The following NRK variants were observed in gnomAD, a reference collection of about 807,000 sequenced individuals.
NRK encodes Nik related kinase.
In NRK, 67 loss-of-function variants were observed where a neutral mutation model predicts 125.2. That is an observed-to-expected ratio of 0.54 (90% CI 0.44 to 0.66). The LOEUF (loss-of-function observed/expected upper bound fraction) is 0.66, where lower values mean the gene tolerates loss of function less well. Among genes scored for constraint, NRK ranks in the 30% least tolerant of loss-of-function variants. NRK has a pLI of 0.00. For synonymous variants in NRK, 458 were observed against 429.0 expected, an observed-to-expected ratio of 1.07 and a Z score of -0.84; for missense variants, 1,224 against 1,192.9, an observed-to-expected ratio of 1.03 and a Z score of -0.38.
intron 2 of NRK, among the ~76,000 whole-genome samples, chrX:105,832,125 T>C (rs2039201276): frequency 9.0e-6 from 1 of 111,668 alleles, no homozygotes; most frequent in African/African-American, 3.3e-5. Context: ...GCAACTGTAA[T>C]ATAAGATCTG....
At chrX:105,871,383 G>T (rs1188912455) in intron 2 of NRK, among the ~76,000 whole-genome samples, 1 of 111,047 alleles carries the variant, frequency 9.0e-6, no homozygotes, top group Non-Finnish European at 1.9e-5. Flanking sequence ...CACAGCCTTT[G>T]TCAGGGAATT....
At chrX:105,898,437 G>T (rs932647815) in intron 7 of NRK, 147 bp from the exon 8 acceptor site, 1 of 457,795 alleles carries the variant, frequency 2.2e-6, no homozygotes, top group Admixed American at 4.7e-5. Context: ...AGTATTCCTG[G>T]AGTAGACTTC....
chrX:105,861,251 T>C (rs745902769), intron 2 of NRK, among the ~76,000 whole-genome samples: 1 of 112,608 alleles, frequency 8.9e-6, no homozygotes, highest in East Asian at 2.8e-4. Flanking sequence ...TCTCAGTTGC[T>C]TATTGGGCAT....
At chrX:105,867,108 A>G (rs1244076595) in intron 2 of NRK, among the ~76,000 whole-genome samples, 1 of 111,752 alleles carries the variant, frequency 8.9e-6, no homozygotes, top group Non-Finnish European at 1.9e-5. Context: ...GTTCTCTGTT[A>G]GGCAGCCTGG....
chrX:105,836,639 T>A (rs1399149032), intron 2 of NRK, among the ~76,000 whole-genome samples: 1 of 112,130 alleles, frequency 8.9e-6, no homozygotes, highest in Non-Finnish European at 1.9e-5. Context: ...TTTGGAAATA[T>A]ATGATAAACA....
chrX:105,883,502 T>C (rs1462719434), intron 4 of NRK, among the ~76,000 whole-genome samples: 1 of 111,645 alleles, frequency 9.0e-6, no homozygotes, highest in Non-Finnish European at 1.9e-5. Context: ...AAATCCCAAG[T>C]CTACCACTAA....
chrX:105,952,767 T>C (rs1369683737), intron 27 of NRK, among the ~76,000 whole-genome samples: 2 of 111,370 alleles, frequency 1.8e-5, no homozygotes, highest in East Asian at 5.7e-4. Context: ...TTTTCTATGG[T>C]CTTAGAGGAT....
intron 7 of NRK, 83 bp from the exon 8 acceptor site, chrX:105,898,501 T>C: frequency 1.1e-6 from 1 of 912,895 alleles, no homozygotes; most frequent in Non-Finnish European, 1.5e-6. Context: ...GTGGCTTTTG[T>C]ATCAGCTTTC....
chrX:105,945,954 C>A lies in NRK; in HGVS notation c.4142C>A (p.Ala1381Glu). The change falls in exon 25 of 29, where the codon GCA becomes GAA. Residue 1381 changes from alanine (A) to glutamate (E), a missense_variant. Ala to Glu is a moderately radical substitution (Grantham distance 107). Coordinates refer to ENST00000243300, the MANE Select transcript of NRK (RefSeq NM_198465.4). Reference protein sequence around the residue: ...AYIRILAKIQAADPVNRFKRP... With the variant: ...AYIRILAKIQEADPVNRFKRP... The stretch of plus-strand genomic sequence containing the variant: ...ATACGAATACTGGCAAAAATACAGG[C>A]AGCTGATCCAGTGAACCGGTTTAAG... The A allele has an allele frequency of 8.3e-7, 1 of 1,209,404 alleles. No homozygotes were observed. Among genetic ancestry groups the A allele is most frequent in the Non-Finnish European group, 1.1e-6 (1 of 893,683 alleles).
At chrX:105,876,632 C>G (rs752582595) in intron 2 of NRK, among the ~76,000 whole-genome samples, 1 of 111,934 alleles carries the variant, frequency 8.9e-6, no homozygotes, top group Non-Finnish European at 1.9e-5. Flanking sequence ...AATGTAGAAT[C>G]TAAAACTAAA....
rs5962596 is a variant in NRK, at chrX:105,899,827, G to T, written c.712-791G>T. 5.1e-3 allele frequency among the ~76,000 whole-genome samples: 568 copies of T among 110,529 alleles called. 4 individuals carry two copies. The highest frequency in any genetic ancestry group is 0.018 in the African/African-American group (541 of 30,410). ...ACTAAAAATACAAAAAATTAGCCAG[G>T]CGTGGTGGCAGGCACCTATAATCCT... On this transcript the variant is annotated intron_variant, in intron 8 of 28. Transcript: ENST00000243300.
chrX:105,880,734 G>A lies in NRK; in HGVS notation c.180+479G>A, dbSNP rs1161734134. On this transcript the variant is annotated intron_variant, in intron 3 of 28. Coordinates refer to ENST00000243300, the MANE Select transcript of NRK (RefSeq NM_198465.4). ...CACATTTTTCATGTATTTTCTGACA[G>A]ATGAGCAAAAGAGACAGTTTAATTG... 1.6e-4 allele frequency among the ~76,000 whole-genome samples: 18 copies of A among 111,680 alleles called. No homozygotes were observed. In the East Asian group the frequency reaches 5.1e-3, roughly 31 times the overall value.
rs1216203447 is a variant in NRK at position 105,888,364 on chromosome X, C to T, written c.323C>T (p.Ser108Phe). ...RKYSFHKNIV[S>F]FYGAFFKLSP... ...TACTCTTTCCACAAAAACATTGTGTCCTTCTATGGAGCATTTTTCAAGCTG... is the reference window on the plus strand; with the variant it reads ...TACTCTTTCCACAAAAACATTGTGTTCTTCTATGGAGCATTTTTCAAGCTG... Residue 108 changes from serine to phenylalanine, a missense_variant, in exon 5 of 29, where the codon TCC (serine) becomes TTC (phenylalanine). Physicochemically the swap from Ser to Phe is radical, Grantham distance 155 (BLOSUM62 -2). Transcript: ENST00000243300. 8.3e-7 allele frequency: 1 copy of T among 1,199,821 alleles called. No homozygotes were observed. Among genetic ancestry groups the T allele is most frequent in the Non-Finnish European group, 1.1e-6 (1 of 887,599 alleles).
At chrX:105,835,323 C>T (rs1391312651) in intron 2 of NRK, among the ~76,000 whole-genome samples, 1 of 110,917 alleles carries the variant, frequency 9.0e-6, no homozygotes, top group African/African-American at 3.3e-5. Context: ...TCTTAATATC[C>T]CTGTTCTTTT....
At chrX:105,954,702 A>G (rs1380211090) in intron 28 of NRK, among the ~76,000 whole-genome samples, 1 of 110,962 alleles carries the variant, frequency 9.0e-6, no homozygotes, top group Non-Finnish European at 1.9e-5. Flanking sequence ...GTGGATGTCA[A>G]AAGCCTTAGT....
At chrX:105,825,770 G>C (rs1054025587) in intron 1 of NRK, among the ~76,000 whole-genome samples, 4 of 110,691 alleles carry the variant, frequency 3.6e-5, no homozygotes, top group African/African-American at 9.8e-5. Flanking sequence ...CAAAATAAGA[G>C]AGCCAATGTA....
In NRK at chrX:105,888,351, A is replaced by G. The variant is rs1365375750; in HGVS notation, c.310A>G (p.Lys104Glu). The G allele has an allele frequency of 2.5e-6, 3 of 1,198,166 alleles. No homozygotes were observed. In the South Asian group the frequency reaches 5.4e-5, roughly 22 times the overall value. ...LNLLRKYSFH[K>E]NIVSFYGAFF... Reference sequence around the variant, plus strand: ...CCTTCTGAGGAAGTACTCTTTCCACAAAAACATTGTGTCCTTCTATGGAGC... The same window carrying G: ...CCTTCTGAGGAAGTACTCTTTCCACGAAAACATTGTGTCCTTCTATGGAGC... Residue 104 changes from lysine (K) to glutamate (E), a missense_variant, in exon 5 of 29, where the codon AAA becomes GAA. Lys to Glu is a moderately conservative substitution (Grantham distance 56, BLOSUM62 1). Coordinates refer to ENST00000243300, the MANE Select transcript of NRK (RefSeq NM_198465.4).
chrX:105,851,257 G>T (rs1316548279), intron 2 of NRK, among the ~76,000 whole-genome samples: 4 of 112,285 alleles, frequency 3.6e-5, no homozygotes, highest in African/African-American at 1.3e-4. Flanking sequence ...CACCCTAAAA[G>T]ATTTGGATTG....
Position 105,906,509 on chromosome X carries a change from G to A in NRK, c.941G>A (p.Arg314Gln), listed in dbSNP as rs770319299. The change falls in exon 11 of 29, where the codon CGG (arginine) becomes CAG (glutamine). Residue 314 changes from arginine (R) to glutamine (Q), a missense_variant. Physicochemically the swap from Arg to Gln is conservative, Grantham distance 43. Transcript: ENST00000243300. ...SANMLQHPFV[R>Q]DIKNERHVVE... ...AACATGCTTCAACACCCATTTGTTC[G>A]GGATATAAAAAATGAACGACATGTT... 74 of 1,150,836 alleles carry A rather than the reference G, an allele frequency of 6.4e-5. No homozygotes were observed. Among genetic ancestry groups the A allele is most frequent in the East Asian group, 3.1e-4 (10 of 32,667 alleles). The allele number at this position is 1,150,836 out of a possible 1,213,427, so 94.8% of individuals were successfully genotyped here.
Sources: gnomAD v4.1 joint callset for allele counts (sites outside exome capture counted in the v4.1 genomes callset) on GRCh38, gnomAD v4.1.1 for gene constraint, MANE v1.5 for transcripts, NCBI Gene and HGNC (gene_info 2026-07-23, HGNC 2026-07-21) for gene names.